UST: variants seen among roughly 807,000 people sequenced by gnomAD.
UST encodes uronyl 2-sulfotransferase, also known as chondroitin sulfate 2-O-sulfotransferase.
In UST, 21 loss-of-function variants were observed where a neutral mutation model predicts 45.6. The ratio of observed to expected loss-of-function variants is 0.46; its 90% confidence interval spans 0.33 to 0.66. The LOEUF (loss-of-function observed/expected upper bound fraction) is 0.66. Ranked by LOEUF, UST falls within the 30% of genes least tolerant of loss-of-function variation. UST has a pLI of 0.02. For synonymous variants in UST, 215 were observed against 200.6 expected (o/e 1.07, Z -0.61); for missense variants, 463 against 512.4 (o/e 0.90, Z 0.93).
At chr6:148,892,447 A>G (rs1779037257) in intron 2 of UST, among the ~76,000 whole-genome samples, 1 of 152,230 alleles carries the variant, frequency 6.6e-6, no homozygotes, top group African/African-American at 2.4e-5. Flanking sequence ...TTTGGGTAAT[A>G]CAATAAGAAA....
intron 1 of UST, among the ~76,000 whole-genome samples, chr6:148,861,206 C>A (rs184022161): frequency 8.6e-4 from 131 of 152,288 alleles, no homozygotes; most frequent in Middle Eastern, 6.8e-3. Flanking sequence ...GATTCAGCTT[C>A]TTCCTGGTTT....
intron 2 of UST, among the ~76,000 whole-genome samples, chr6:148,910,289 C>T (rs1467724875): frequency 6.6e-6 from 1 of 152,064 alleles, no homozygotes; most frequent in East Asian, 1.9e-4. Flanking sequence ...AACAGGCATG[C>T]ACCACCACAC....
chr6:148,872,675 C>T (rs1181379391), intron 1 of UST, among the ~76,000 whole-genome samples: 2 of 152,160 alleles, frequency 1.3e-5, no homozygotes, highest in Non-Finnish European at 2.9e-5. Context: ...TTAATGGGCT[C>T]AAATTAAGAT....
At chr6:148,784,837 C>T (rs1329746546) in intron 1 of UST, among the ~76,000 whole-genome samples, 3 of 152,208 alleles carry the variant, frequency 2.0e-5, no homozygotes, top group Non-Finnish European at 4.4e-5. Context: ...AATGTCTTAT[C>T]AGTGGACATG....
chr6:148,780,083 A>G (rs1220395012), intron 1 of UST, among the ~76,000 whole-genome samples: 2 of 141,882 alleles, frequency 1.4e-5, no homozygotes, highest in African/African-American at 2.6e-5. Flanking sequence ...GTGTGTGTAT[A>G]TATATACACA....
chr6:148,796,623 CAAAAAAAAAAAA>C (rs11465084), intron 1 of UST, among the ~76,000 whole-genome samples: 27,503 of 89,656 alleles, frequency 0.31, 3,616 homozygotes, highest in Middle Eastern at 0.45. Flanking sequence ...GACTCTGTCT[CAAAAAAAAAAAA>C]AAAAAAAAAA....
At chr6:148,976,979 GT>G (rs1350241169) in intron 5 of UST, among the ~76,000 whole-genome samples, 1 of 151,966 alleles carries the variant, frequency 6.6e-6, no homozygotes, top group South Asian at 2.1e-4. Context: ...GTCTTCTAGA[GT>G]TTTGTTGTTA....
At chr6:148,867,313 C>G (rs1369693819) in intron 1 of UST, among the ~76,000 whole-genome samples, 1 of 145,442 alleles carries the variant, frequency 6.9e-6, no homozygotes, top group Non-Finnish European at 1.5e-5. Context: ...CACACACACA[C>G]ACACACACAC....
intron 1 of UST, among the ~76,000 whole-genome samples, chr6:148,795,616 T>C (rs1776934438): frequency 6.6e-6 from 1 of 152,160 alleles, no homozygotes; most frequent in Non-Finnish European, 1.5e-5. Flanking sequence ...AACCCAACTA[T>C]ACCCTTAGGT....
At position 149,076,252 on chromosome 6, in the gene UST, C is replaced by T. The variant is rs1776888189; in HGVS notation, c.*2136C>T. 6.6e-6 allele frequency: 1 copy of T among 152,210 alleles called. No individual in the cohort carries two copies. The highest frequency in any genetic ancestry group is 2.4e-5 in the African/African-American group (1 of 41,452). The allele number at this position is 152,210 out of a possible 1,614,324, so 9.4% of individuals were successfully genotyped here. A position where few individuals can be genotyped will look rare whatever the true frequency, so the allele number is the denominator to read the frequency against. ...TTCAAAACCAGTACAAGAACTGCTG[C>T]CTGGTACCCTGTGAGTCATTTCTAT... On this transcript the variant is annotated 3_prime_UTR_variant, in exon 8 of 8. Transcript: ENST00000367463.
intron 7 of UST, among the ~76,000 whole-genome samples, chr6:149,049,927 TCTCTCACACACA>T (rs1218363161): frequency 1.5e-5 from 2 of 130,538 alleles, no homozygotes; most frequent in Admixed American, 1.5e-4. Flanking sequence ...TCTCTCTCTC[TCTCTCACACACA>T]CACACACACA....
chr6:148,815,977 C>T (rs1348918774), intron 1 of UST, among the ~76,000 whole-genome samples: 2 of 152,120 alleles, frequency 1.3e-5, no homozygotes, highest in African/African-American at 4.8e-5. Flanking sequence ...CATTTCATTG[C>T]TTATGAGCTA....
intron 1 of UST, among the ~76,000 whole-genome samples, chr6:148,841,974 C>T (rs1333377587): frequency 6.6e-6 from 1 of 152,118 alleles, no homozygotes; most frequent in African/African-American, 2.4e-5. Flanking sequence ...GACGTGGTGG[C>T]ACGTGCCTGT....
intron 1 of UST, among the ~76,000 whole-genome samples, chr6:148,813,836 C>T (rs1483353657): frequency 6.6e-6 from 1 of 152,144 alleles, no homozygotes; most frequent in Admixed American, 6.5e-5. Flanking sequence ...CATTCTATAT[C>T]AGGCAATTTT....
Position 148,854,234 on chromosome 6 carries a change from C to T in UST, c.248-32752C>T, listed in dbSNP as rs544727088. Among the ~76,000 whole-genome samples the T allele has an allele frequency of 1.8e-4, 27 of 152,348 alleles. No homozygotes were observed. In the South Asian group the frequency reaches 1.9e-3, roughly 11 times the overall value. On this transcript the variant is annotated intron_variant, in intron 1 of 7. Transcript: ENST00000367463. ...TGGAGCTGCACACCTGTCCCTGTACCGCTGAGCCCACGCTGTAGGATCTTG... is the reference window on the plus strand; with the variant it reads ...TGGAGCTGCACACCTGTCCCTGTACTGCTGAGCCCACGCTGTAGGATCTTG...
At chr6:148,969,554 G>A (rs1484964874) in intron 5 of UST, among the ~76,000 whole-genome samples, 1 of 152,150 alleles carries the variant, frequency 6.6e-6, no homozygotes, top group African/African-American at 2.4e-5. Context: ...AGTCTATTGA[G>A]CATTCTACAC....
intron 5 of UST, among the ~76,000 whole-genome samples, chr6:148,991,474 T>C (rs1450906137): frequency 2.0e-5 from 3 of 151,512 alleles, no homozygotes; most frequent in Non-Finnish European, 2.9e-5. Flanking sequence ...ACTCATCATT[T>C]ACATTAGGTA....
intron 1 of UST, among the ~76,000 whole-genome samples, chr6:148,759,397 G>A (rs112581333): frequency 0.011 from 1,680 of 151,730 alleles, 29 homozygotes; most frequent in African/African-American, 0.039. Context: ...CGTGGTCGCG[G>A]GCGCCTGTAG....
At chr6:149,017,021 C>T (rs1775907684) in intron 5 of UST, among the ~76,000 whole-genome samples, 1 of 152,222 alleles carries the variant, frequency 6.6e-6, no homozygotes, top group East Asian at 1.9e-4. Context: ...GCACAGGCAC[C>T]CGCCCGCACA....
Sources: allele counts gnomAD v4.1 joint callset (sites outside exome capture counted in the v4.1 genomes callset), GRCh38; gene constraint gnomAD v4.1.1; transcripts MANE v1.5; gene names NCBI Gene and HGNC (gene_info 2026-07-23, HGNC 2026-07-21).